Variants in GABPA observed in about 807,000 individuals in gnomAD.
GABPA encodes the protein GA-binding protein alpha chain.
A neutral mutation model predicts 59.4 loss-of-function variants in GABPA; 4 were observed. The ratio of observed to expected loss-of-function variants is 0.07; its 90% confidence interval spans 0.03 to 0.15. The LOEUF is 0.15. Among genes scored for constraint, GABPA ranks in the 10% least tolerant of loss-of-function variants. The pLI, the probability that GABPA is intolerant of heterozygous loss-of-function variation, is 1.00. For missense variants in GABPA, 251 were observed against 543.8 expected (o/e 0.46, Z 5.36); for synonymous variants, 164 against 183.1 (o/e 0.90, Z 0.84).
intron 7 of GABPA, chr21:25,762,988 C>T (rs2035800408): frequency 5.2e-6 from 2 of 383,520 alleles, no homozygotes; most frequent in South Asian, 2.6e-5. Flanking sequence ...TGGCTTTTCC[C>T]CTTTCTTTTC....
chr21:25,764,926 A>T, intron 9 of GABPA, 139 bp downstream of exon 9: 1 of 566,770 alleles, frequency 1.8e-6, no homozygotes, highest in Non-Finnish European at 2.8e-6. Flanking sequence ...ATATTAAAAA[A>T]CCTTTTTAAA....
At chr21:25,751,579 T>C (rs1419379531) in intron 4 of GABPA, among the ~76,000 whole-genome samples, 1 of 151,956 alleles carries the variant, frequency 6.6e-6, no homozygotes, top group Admixed American at 6.5e-5. Context: ...ATAATAATTT[T>C]AATTTGCTTA....
chr21:25,735,622 G>T (rs2123473052), intron 1 of GABPA, 44 bp downstream of exon 1: 1 of 152,574 alleles, frequency 6.6e-6, no homozygotes, highest in East Asian at 1.9e-4. Flanking sequence ...GGCCCTCGCG[G>T]GCCGGCCTCG....
chr21:25,745,302 C>G lies in GABPA; in HGVS notation c.170C>G (p.Pro57Arg). The stretch of plus-strand genomic sequence containing the variant: ...GGCAATTTAAAGAAACTGCTAGAAC[C>G]AAGACTACAGTGTTCTTTGGATGCT... Reference protein sequence around the residue: ...PIGNLKKLLEPRLQCSLDAHE... With the variant: ...PIGNLKKLLERRLQCSLDAHE... The change falls in exon 3 of 10, where the codon CCA (proline) becomes CGA (arginine). Residue 57 changes from proline (P) to arginine (R), a missense_variant. Coordinates refer to ENST00000400075, the MANE Select transcript of GABPA (RefSeq NM_002040.4). 2.5e-6 allele frequency: 4 copies of G among 1,613,774 alleles called. No individual in the cohort carries two copies. The highest frequency in any genetic ancestry group is 1.3e-5 in the African/African-American group (1 of 75,058).
At chr21:25,763,010 CT>C in intron 7 of GABPA, 2 of 387,442 alleles carry the variant, frequency 5.2e-6, no homozygotes, top group South Asian at 2.5e-5. Flanking sequence ...CTCGCTTTGC[CT>C]TCAGCTTTAT....
chr21:25,735,646 T>TCCCCCACAAGGGCC (rs1330210557), intron 1 of GABPA, 68 bp downstream of exon 1: 2 of 150,360 alleles, frequency 1.3e-5, no homozygotes, highest in Admixed American at 1.3e-4. Context: ...CGGGGCCTTT[T>TCCCCCACAAGGGCC]CCCCCACAAG....
At chr21:25,759,866 T>G (rs539806426) in intron 6 of GABPA, among the ~76,000 whole-genome samples, 1 of 152,342 alleles carries the variant, frequency 6.6e-6, no homozygotes, top group South Asian at 2.1e-4. Context: ...GATGGTAGTT[T>G]CATTTTTCCC....
rs1348197161 is a variant in GABPA at position 25,757,967 on chromosome 21, A to G, written c.554-43A>G. On this transcript the variant is annotated intron_variant, in intron 5 of 9. Transcript: ENST00000400075. ...GAAGTTAACTGTAAATTTACACAGT[A>G]TCTAAAATGGAACTAGGCTAAAGTG... The G allele has an allele frequency of 4.0e-6, 5 of 1,245,490 alleles. No homozygotes were observed. The African/African-American group carries it at 4.7e-5, about 12-fold the overall frequency. The allele number at this position is 1,245,490 out of a possible 1,614,324, so 77.2% of individuals were successfully genotyped here. A position where few individuals can be genotyped will look rare whatever the true frequency, so the allele number is the denominator to read the frequency against.
At position 25,735,035 on chromosome 21, in the gene GABPA, G is replaced by C. The variant is rs2034979205; in HGVS notation, c.-570G>C. On this transcript the variant is annotated 5_prime_UTR_variant, in exon 1 of 10. Coordinates refer to ENST00000400075, the MANE Select transcript of GABPA (RefSeq NM_002040.4). ...ACAGTCTGCGACCGGACGGGTCTAG[G>C]TGAGACAGAAGCCAAACAGGAGGAG... The C allele has an allele frequency of 3.4e-6, 5 of 1,468,306 alleles. No individual in the cohort carries two copies. The allele number at this position is 1,468,306 out of a possible 1,614,324, so 91.0% of individuals were successfully genotyped here.
chr21:25,747,903 A>C (rs1464242611), intron 3 of GABPA, among the ~76,000 whole-genome samples: 2 of 152,004 alleles, frequency 1.3e-5, no homozygotes, highest in East Asian at 1.9e-4. Flanking sequence ...ACAAGGTTAC[A>C]AGGTTTTTTT....
At chr21:25,749,988 A>T (rs1934039646) in intron 4 of GABPA, among the ~76,000 whole-genome samples, 1 of 152,212 alleles carries the variant, frequency 6.6e-6, no homozygotes, top group South Asian at 2.1e-4. Context: ...ATCTATTATT[A>T]CTACATTGTA....
intron 1 of GABPA, among the ~76,000 whole-genome samples, chr21:25,737,089 G>T (rs1178244953): frequency 6.6e-6 from 1 of 152,160 alleles, no homozygotes; most frequent in Admixed American, 6.5e-5. Context: ...GACACTAGCC[G>T]TTCCCAGAAT....
intron 7 of GABPA, 150 bp downstream of exon 7, chr21:25,762,515 C>A (rs2035789394): frequency 3.6e-6 from 2 of 558,544 alleles, no homozygotes. Flanking sequence ...GACACAAGTA[C>A]TTTATAAGAT....
intron 7 of GABPA, 142 bp from the exon 8 acceptor site, chr21:25,764,067 GT>G (rs2035830566): frequency 1.7e-6 from 1 of 600,354 alleles, no homozygotes; most frequent in Non-Finnish European, 2.8e-6. Context: ...GTTTGAAATT[GT>G]GGATTGAGGC....
chr21:25,762,448 T>G, intron 7 of GABPA, 83 bp downstream of exon 7: 1 of 1,035,122 alleles, frequency 9.7e-7, no homozygotes, highest in Non-Finnish European at 1.4e-6. Context: ...GGAAAATTAT[T>G]TAAAAAAATT....
intron 1 of GABPA, 191 bp downstream of exon 1, chr21:25,735,769 T>TGCGGGGAGCGAAGGGGAGGG (rs1158147915): frequency 1.9e-5 from 1 of 52,118 alleles, no homozygotes; most frequent in Non-Finnish European, 3.7e-5. Flanking sequence ...GGGAGAGCTG[T>TGCGGGGAGCGAAGGGGAGGG]GCGGGGAGCG....
chr21:25,761,918 C>T (rs1278531905), intron 6 of GABPA, among the ~76,000 whole-genome samples: 1 of 151,974 alleles, frequency 6.6e-6, no homozygotes, highest in African/African-American at 2.4e-5. Context: ...GGAAGGAGGC[C>T]TTTTTGGTGG....
At position 25,735,074 on chromosome 21, in the gene GABPA, A is replaced by G; in HGVS notation, c.-531A>G. ...AAACAGGAGGAGGAAGTGGAGGGTA[A>G]GTGCTTCCGGGTCCCCTGGCACAGC... On this transcript the variant is annotated 5_prime_UTR_variant, in exon 1 of 10. Coordinates refer to ENST00000400075, the MANE Select transcript of GABPA (RefSeq NM_002040.4). The G allele has an allele frequency of 9.4e-7, 1 of 1,062,300 alleles. No individual in the cohort carries two copies. Among genetic ancestry groups the G allele is most frequent in the Non-Finnish European group, 1.4e-6 (1 of 713,626 alleles). 65.8% of individuals were successfully genotyped at this position (1,062,300 alleles called of 1,614,324 possible). A position where few individuals can be genotyped will look rare whatever the true frequency, so the allele number is the denominator to read the frequency against.
Position 25,748,720 on chromosome 21 carries a change from C to T in GABPA, c.223-316C>T, listed in dbSNP as rs1189725577. ...TTCATGACAGATATAGCATTACCTT[C>T]TACTTTAAATACATTTCAGAATGAA... On this transcript the variant is annotated intron_variant, in intron 3 of 9. Transcript: ENST00000400075. Among the ~76,000 whole-genome samples the T allele has an allele frequency of 2.0e-5, 3 of 152,164 alleles. No individual in the cohort carries two copies. In the East Asian group the frequency reaches 5.8e-4, roughly 29 times the overall value.
Sources: allele counts gnomAD v4.1 joint callset (sites outside exome capture counted in the v4.1 genomes callset), GRCh38; gene constraint gnomAD v4.1.1; transcripts MANE v1.5; gene names NCBI Gene and HGNC (gene_info 2026-07-23, HGNC 2026-07-21).